Variants in RNF216 observed in about 807,000 individuals in gnomAD.
RNF216 encodes the protein E3 ubiquitin-protein ligase RNF216.
In RNF216, 72 loss-of-function variants were observed where a neutral mutation model predicts 110.8. The observed-to-expected ratio is 0.65, with a 90% confidence interval of 0.54 to 0.79. RNF216 has a LOEUF of 0.79. RNF216 is among the 30% of genes least tolerant of loss of function. RNF216 has a pLI of 0.00. For synonymous variants in RNF216, 495 were observed against 407.5 expected, an observed-to-expected ratio of 1.21 and a Z score of -2.59; for missense variants, 1,342 against 1,141.2, an observed-to-expected ratio of 1.18 and a Z score of -2.54.
intron 10 of RNF216, 101 bp from the exon 11 acceptor site, chr7:5,715,291 T>G: frequency 7.9e-7 from 1 of 1,268,092 alleles, no homozygotes; most frequent in Non-Finnish European, 1.1e-6. Flanking sequence ...ACACAAATTC[T>G]GAGGTAAAGC....
intron 13 of RNF216, among the ~76,000 whole-genome samples, chr7:5,695,348 G>A (rs1343911793): frequency 6.6e-6 from 1 of 152,068 alleles, no homozygotes; most frequent in Non-Finnish European, 1.5e-5. Context: ...AGACGAAAAC[G>A]ACACGCCAGC....
At chr7:5,755,257 AG>A (rs1795573446) in intron 2 of RNF216, among the ~76,000 whole-genome samples, 1 of 151,704 alleles carries the variant, frequency 6.6e-6, no homozygotes, top group Non-Finnish European at 1.5e-5. Context: ...GAAGGAAGGA[AG>A]GAAGGAAGGA....
intron 1 of RNF216, among the ~76,000 whole-genome samples, chr7:5,767,691 T>A (rs967798927): frequency 6.6e-6 from 1 of 151,902 alleles, no homozygotes; most frequent in African/African-American, 2.4e-5. Flanking sequence ...CTCTGCCTCC[T>A]GGGTTCAAGC....
chr7:5,723,921 T>C (rs777442113), intron 8 of RNF216, among the ~76,000 whole-genome samples: 1 of 152,234 alleles, frequency 6.6e-6, no homozygotes, highest in African/African-American at 2.4e-5. Flanking sequence ...ACTACTAATG[T>C]AAATCAAGTG....
intron 13 of RNF216, among the ~76,000 whole-genome samples, chr7:5,704,232 T>C (rs1350952893): frequency 6.6e-6 from 1 of 152,198 alleles, no homozygotes; most frequent in Admixed American, 6.5e-5. Flanking sequence ...ACGTTTATAT[T>C]AATGCCGTAT....
intron 13 of RNF216, among the ~76,000 whole-genome samples, chr7:5,694,689 T>C (rs2128616520): frequency 6.6e-6 from 1 of 152,344 alleles, no homozygotes; most frequent in East Asian, 1.9e-4. Flanking sequence ...GAGATGTGTA[T>C]GGTGGCCATG....
chr7:5,696,134 G>A lies in RNF216; in HGVS notation c.2061+15627C>T, dbSNP rs1791612016. On this transcript the variant is annotated intron_variant, in intron 13 of 16. Transcript: ENST00000389902. This position sits in a 1 kb window ranked among gnomAD's most constrained non-coding sequence, Gnocchi z 5.4. ...GCTCCAGACAAATCCAGCCCAAGGG[G>A]AAACACACTGACATCCACAGTCCAT... 6.6e-6 allele frequency among the ~76,000 whole-genome samples: 1 copy of A among 152,168 alleles called. No individual in the cohort carries two copies. Among genetic ancestry groups the A allele is most frequent in the Non-Finnish European group, 1.5e-5 (1 of 68,038 alleles).
chr7:5,734,004 G>A (rs569364708), intron 5 of RNF216, among the ~76,000 whole-genome samples: 6 of 152,232 alleles, frequency 3.9e-5, no homozygotes, highest in African/African-American at 1.4e-4. Flanking sequence ...AAAAAATGTA[G>A]TTATTATCAT....
rs1796617522 is a variant in RNF216 at position 5,773,643 on chromosome 7, C to G, written c.-70+7898G>C. Among the ~76,000 whole-genome samples the G allele has an allele frequency of 2.0e-5, 3 of 152,344 alleles. No homozygotes were observed. In the South Asian group the frequency reaches 6.2e-4, roughly 32 times the overall value. On this transcript the variant is annotated intron_variant, in intron 1 of 16. Transcript: ENST00000389902. ...AGTGCAGTGGCACGATCTCAGCTCACTGCAACCTCCGTCTCCCAGGTTCAA... is the reference window on the plus strand; with the variant it reads ...AGTGCAGTGGCACGATCTCAGCTCAGTGCAACCTCCGTCTCCCAGGTTCAA...
chr7:5,690,214 C>G (rs1295754395), intron 13 of RNF216, among the ~76,000 whole-genome samples: 1 of 151,062 alleles, frequency 6.6e-6, no homozygotes, highest in Non-Finnish European at 1.5e-5. Context: ...GTAATCCCAG[C>G]TACTTGGGAG....
rs373625414 is a variant in RNF216, at chr7:5,639,782, C to A, written c.2382+1372G>T. On this transcript the variant is annotated intron_variant, in intron 15 of 16. Transcript: ENST00000389902. ...GCCTTAATTTTTTTTTTTTTTGAGA[C>A]GGAGTCTCGCTCTGTCGCCCAGGCT... is the stretch of plus-strand genomic sequence containing the variant. Among the ~76,000 whole-genome samples the A allele has an allele frequency of 2.0e-5, 3 of 147,662 alleles. No individual in the cohort carries two copies. The Admixed American group carries it at 2.0e-4, about 10-fold the overall frequency.
At chr7:5,710,375 A>C (rs548595003) in intron 13 of RNF216, among the ~76,000 whole-genome samples, 38 of 151,786 alleles carry the variant, frequency 2.5e-4, no homozygotes, top group East Asian at 5.8e-4. Context: ...TTAAAAACAA[A>C]AACAAAAACA....
At chr7:5,699,440 A>G (rs1377030970) in intron 13 of RNF216, among the ~76,000 whole-genome samples, 1 of 152,172 alleles carries the variant, frequency 6.6e-6, no homozygotes, top group Non-Finnish European at 1.5e-5. Flanking sequence ...ATTAGCAAAT[A>G]CCTAGACCTC....
intron 13 of RNF216, among the ~76,000 whole-genome samples, chr7:5,681,976 T>C (rs142045238): frequency 1.1e-3 from 170 of 152,312 alleles, no homozygotes; most frequent in African/African-American, 4.0e-3. Context: ...ACAGCAACCT[T>C]AGACAATGGG....
At chr7:5,644,460 T>C (rs1412948961) in intron 14 of RNF216, among the ~76,000 whole-genome samples, 9 of 152,328 alleles carry the variant, frequency 5.9e-5, no homozygotes, top group Non-Finnish European at 1.2e-4. Flanking sequence ...CATGTGCTTG[T>C]TGGTCATTTG....
At position 5,741,816 on chromosome 7, in the gene RNF216, C is replaced by G. The variant is rs1562451985; in HGVS notation, c.202-1G>C. 2 of 1,583,718 alleles carry G rather than the reference C, an allele frequency of 1.3e-6. No homozygotes were observed. Among genetic ancestry groups the G allele is most frequent in the Non-Finnish European group, 8.5e-7 (1 of 1,169,696 alleles). ...GTCGTGATCTCTGAGGTTTATTTGT[C>G]TAAGAAAAAATGAAATTTTAATAAT... On this transcript the variant is annotated splice_acceptor_variant, in intron 3 of 16. Coordinates refer to ENST00000389902, the MANE Select transcript of RNF216 (RefSeq NM_207111.4). LOFTEE classifies it high-confidence loss of function.
intron 16 of RNF216, 143 bp downstream of exon 16, chr7:5,623,913 G>A (rs569049500): frequency 7.7e-6 from 5 of 649,958 alleles, no homozygotes; most frequent in Non-Finnish European, 2.6e-6. Flanking sequence ...CCGCGTGGGT[G>A]AAGTCAGGTC....
rs1285462315 is a variant in RNF216 at position 5,725,306 on chromosome 7, C to G, written c.1504+18G>C. ...CAGTGTTGCAGCTACACACTGCCAC[C>G]AACACAGTTTGCATTACCTTGTTCA... On this transcript the variant is annotated intron_variant, in intron 8 of 16. Transcript: ENST00000389902. 7.1e-7 allele frequency: 1 copy of G among 1,402,578 alleles called. No homozygotes were observed. Among genetic ancestry groups the G allele is most frequent in the African/African-American group, 1.4e-5 (1 of 70,604 alleles). The allele number at this position is 1,402,578 out of a possible 1,614,324, so 86.9% of individuals were successfully genotyped here.
At chr7:5,653,490 A>C (rs1584383585) in intron 13 of RNF216, among the ~76,000 whole-genome samples, 1 of 150,422 alleles carries the variant, frequency 6.6e-6, no homozygotes, top group African/African-American at 2.4e-5. Context: ...AGTCCCAGCC[A>C]CTCAGGAGGC....
Sources: gnomAD v4.1 joint callset for allele counts (sites outside exome capture counted in the v4.1 genomes callset) on GRCh38, gnomAD v4.1.1 for gene constraint, Gnocchi (gnomAD v3.1) non-coding constraint, MANE v1.5 for transcripts, NCBI Gene and HGNC (gene_info 2026-07-23, HGNC 2026-07-21) for gene names.